Variants in ZFPM2 observed in about 807,000 individuals in gnomAD.
ZFPM2 encodes zinc finger protein, FOG family member 2, also known as zinc finger protein ZFPM2.
Under a neutral mutation model 98.6 loss-of-function variants are expected in ZFPM2, and 20 were observed. That is an observed-to-expected ratio of 0.20 (90% CI 0.14 to 0.29). The LOEUF is 0.29. Among genes scored for constraint, ZFPM2 ranks in the 10% least tolerant of loss-of-function variants. The pLI, the probability that ZFPM2 is intolerant of heterozygous loss-of-function variation, is 1.00. For synonymous variants in ZFPM2, 518 were observed against 502.7 expected, an observed-to-expected ratio of 1.03 and a Z score of -0.41; for missense variants, 1,310 against 1,388.6, an observed-to-expected ratio of 0.94 and a Z score of 0.90.
intron 5 of ZFPM2, among the ~76,000 whole-genome samples, chr8:105,679,921 C>T (rs1810563191): frequency 6.6e-6 from 1 of 151,872 alleles, no homozygotes; most frequent in South Asian, 2.1e-4. Context: ...TATATTTCTT[C>T]AAGAAACTTT....
chr8:105,660,142 AT>A (rs539247907), intron 5 of ZFPM2, among the ~76,000 whole-genome samples: 9,338 of 148,542 alleles, frequency 0.063, 344 homozygotes, highest in Middle Eastern at 0.12. Context: ...AGTCAAGTAC[AT>A]TTTTTTTTTT....
Position 105,495,725 on chromosome 8 carries a change from T to TGAA in ZFPM2, c.301+51360_301+51362dup, listed in dbSNP as rs565167802. ...CAGTTAACATTTCATCGTTTTTTTC[T>TGAA]GAAGAAGAAGAAGAAGAAATGGATA... is the stretch of plus-strand genomic sequence containing the variant. On this transcript the variant is annotated intron_variant, in intron 3 of 7. Coordinates refer to ENST00000407775, the MANE Select transcript of ZFPM2 (RefSeq NM_012082.4). Among the ~76,000 whole-genome samples the TGAA allele has an allele frequency of 2.2e-4, 34 of 152,222 alleles. No individual in the cohort carries two copies. The East Asian group carries it at 4.2e-3, about 19-fold the overall frequency.
chr8:105,600,311 A>G (rs1816064949), intron 4 of ZFPM2, among the ~76,000 whole-genome samples: 1 of 152,146 alleles, frequency 6.6e-6, no homozygotes, highest in African/African-American at 2.4e-5. Context: ...GGAATAAAAT[A>G]TACTCTGAAA....
At chr8:105,739,351 T>C (rs1256890746) in intron 5 of ZFPM2, among the ~76,000 whole-genome samples, 1 of 152,060 alleles carries the variant, frequency 6.6e-6, no homozygotes, top group African/African-American at 2.4e-5. Context: ...GTAGTTGTAA[T>C]CTGTTTCCCC....
intron 1 of ZFPM2, among the ~76,000 whole-genome samples, chr8:105,408,996 G>T (rs577932478): frequency 6.6e-6 from 1 of 151,948 alleles, no homozygotes; most frequent in East Asian, 1.9e-4. Flanking sequence ...GCATGAACCT[G>T]ATTATAATAA....
At chr8:105,762,857 A>G (rs1812763524) in intron 5 of ZFPM2, among the ~76,000 whole-genome samples, 1 of 151,932 alleles carries the variant, frequency 6.6e-6, no homozygotes, top group Admixed American at 6.6e-5. Context: ...TTTCCCATCT[A>G]GCTACCTTGT....
chr8:105,650,259 TTC>T (rs1817143299), intron 5 of ZFPM2, among the ~76,000 whole-genome samples: 1 of 152,202 alleles, frequency 6.6e-6, no homozygotes, highest in African/African-American at 2.4e-5. Flanking sequence ...TATTTGATTC[TTC>T]TCTCTTTCCT....
At chr8:105,667,406 C>T (rs1228440905) in intron 5 of ZFPM2, among the ~76,000 whole-genome samples, 1 of 152,118 alleles carries the variant, frequency 6.6e-6, no homozygotes, top group Non-Finnish European at 1.5e-5. Context: ...AATGACACTT[C>T]AAAATTGTGC....
chr8:105,790,337 T>C (rs1586269655), intron 6 of ZFPM2, among the ~76,000 whole-genome samples: 2 of 152,268 alleles, frequency 1.3e-5, no homozygotes, highest in East Asian at 3.9e-4. Context: ...ATTTATTAAA[T>C]AGGGAATCCT....
intron 4 of ZFPM2, among the ~76,000 whole-genome samples, chr8:105,575,346 A>G (rs1316679658): frequency 2.6e-5 from 4 of 152,066 alleles, no homozygotes; most frequent in East Asian, 1.9e-4. Context: ...CCTTTCCCCA[A>G]TTGTTGTAGC....
At position 105,720,549 on chromosome 8, in the gene ZFPM2, G is replaced by C. The variant is rs1325306100; in HGVS notation, c.533-68169G>C. Reference sequence around the variant, plus strand: ...CCAGTATATTTGTATCAAAACCTTAGAGCTGCAGATTTAGCTCAATCATTT... The same window carrying C: ...CCAGTATATTTGTATCAAAACCTTACAGCTGCAGATTTAGCTCAATCATTT... On this transcript the variant is annotated intron_variant, in intron 5 of 7. Transcript: ENST00000407775. Among the ~76,000 whole-genome samples the C allele has an allele frequency of 2.0e-5, 3 of 151,632 alleles. No individual in the cohort carries two copies. In the South Asian group the frequency reaches 6.2e-4, roughly 32 times the overall value.
chr8:105,714,688 C>T (rs1036041605), intron 5 of ZFPM2, among the ~76,000 whole-genome samples: 1 of 151,812 alleles, frequency 6.6e-6, no homozygotes, highest in African/African-American at 2.4e-5. Flanking sequence ...CATTACTTCC[C>T]AACTCTCTGT....
At chr8:105,598,600 C>A (rs1816022808) in intron 4 of ZFPM2, among the ~76,000 whole-genome samples, 1 of 152,094 alleles carries the variant, frequency 6.6e-6, no homozygotes, top group African/African-American at 2.4e-5. Flanking sequence ...TAGATGTTCA[C>A]AAAACTCTGC....
intron 5 of ZFPM2, among the ~76,000 whole-genome samples, chr8:105,785,903 G>A (rs562771270): frequency 8.2e-4 from 124 of 152,004 alleles, no homozygotes; most frequent in Admixed American, 1.5e-3. Flanking sequence ...TTAGCTGCGC[G>A]TGGTGGCAGG....
rs1367629346 is a variant in ZFPM2 at position 105,743,244 on chromosome 8, C to T, written c.533-45474C>T. ...AGGTGAAGATATTTTGCTGGTAAGT[C>T]CCTTTGAGTGATAGTGGAAAGGTTT... On this transcript the variant is annotated intron_variant, in intron 5 of 7. Transcript: ENST00000407775. Among the ~76,000 whole-genome samples, 4 of 151,792 alleles carry T rather than the reference C, an allele frequency of 2.6e-5. 1 individual carries two copies. The highest frequency in any genetic ancestry group is 2.0e-4 in the Admixed American group (3 of 15,244).
chr8:105,543,482 A>G (rs1343457246), intron 3 of ZFPM2, among the ~76,000 whole-genome samples: 1 of 152,168 alleles, frequency 6.6e-6, no homozygotes, highest in Non-Finnish European at 1.5e-5. Flanking sequence ...GAATTTAATC[A>G]TATGGGCTCT....
At chr8:105,328,828 A>G (rs1812161776) in intron 1 of ZFPM2, among the ~76,000 whole-genome samples, 1 of 151,744 alleles carries the variant, frequency 6.6e-6, no homozygotes, top group African/African-American at 2.4e-5. Flanking sequence ...AGATTTTCCA[A>G]TGCTGTTTGA....
intron 3 of ZFPM2, among the ~76,000 whole-genome samples, chr8:105,506,672 C>T (rs966556929): frequency 7.9e-5 from 12 of 151,922 alleles, no homozygotes; most frequent in Non-Finnish European, 1.5e-4. Flanking sequence ...CAGTAAGTAT[C>T]GTATCTAAAC....
intron 3 of ZFPM2, among the ~76,000 whole-genome samples, chr8:105,483,149 C>T (rs1054329021): frequency 2.0e-5 from 3 of 151,830 alleles, no homozygotes; most frequent in Non-Finnish European, 4.4e-5. Context: ...GCATGAGCCA[C>T]GGCACACAGC....
Sources: gnomAD v4.1 joint callset for allele counts (sites outside exome capture counted in the v4.1 genomes callset) on GRCh38, gnomAD v4.1.1 for gene constraint, MANE v1.5 for transcripts, NCBI Gene and HGNC (gene_info 2026-07-23, HGNC 2026-07-21) for gene names.